The following WWOX variants were observed in gnomAD, a reference collection of about 807,000 sequenced individuals.
WWOX encodes the protein WW domain containing oxidoreductase, also known as WW domain-containing oxidoreductase.
A neutral mutation model predicts 46.2 loss-of-function variants in WWOX; 69 were observed. The ratio of observed to expected loss-of-function variants is 1.49; its 90% CI spans 1.23 to 1.82. WWOX has a LOEUF of 1.82. Among genes scored for constraint, WWOX ranks in the 40% most tolerant of loss-of-function variants. WWOX has a pLI of 0.00. For missense variants in WWOX, 919 were observed against 542.6 expected (o/e 1.69, Z -6.89); for synonymous variants, 359 against 202.6 (o/e 1.77, Z -6.56).
intron 8 of WWOX, among the ~76,000 whole-genome samples, chr16:79,154,976 G>C (rs560452028): frequency 1.3e-5 from 2 of 152,338 alleles, no homozygotes; most frequent in Non-Finnish European, 2.9e-5. Context: ...AGTGGAATTA[G>C]GGTCATGATG....
At chr16:78,111,342 CTAT>C (rs1433587803) in intron 3 of WWOX, among the ~76,000 whole-genome samples, 1 of 152,128 alleles carries the variant, frequency 6.6e-6, no homozygotes, top group African/African-American at 2.4e-5. Flanking sequence ...ACTATAAACA[CTAT>C]TAATCATTAG....
rs760894625 is a variant in WWOX, at chr16:78,164,318, T to A, written c.516+29T>A. Reference sequence around the variant, plus strand: ...AGTGCTTGACTGTTGTTGTTTTTTTTAATTGTCAAATACACATGCCGGGCT... The same window carrying A: ...AGTGCTTGACTGTTGTTGTTTTTTTAAATTGTCAAATACACATGCCGGGCT... On this transcript the variant is annotated intron_variant, in intron 5 of 8. Coordinates refer to ENST00000566780, the MANE Select transcript of WWOX (RefSeq NM_016373.4). The A allele has an allele frequency of 5.0e-6, 8 of 1,599,460 alleles. No individual in the cohort carries two copies. In the East Asian group the frequency reaches 8.9e-5, roughly 18 times the overall value.
chr16:79,183,930 G>A (rs2050962803), intron 8 of WWOX, among the ~76,000 whole-genome samples: 1 of 152,180 alleles, frequency 6.6e-6, no homozygotes, highest in African/African-American at 2.4e-5. Context: ...CCACTCAGAT[G>A]ACTCCAGAAG....
chr16:78,286,173 C>T (rs1178205532), intron 5 of WWOX, among the ~76,000 whole-genome samples: 2 of 152,186 alleles, frequency 1.3e-5, no homozygotes, highest in African/African-American at 2.4e-5. Flanking sequence ...AAAGCTGTTG[C>T]AATAAATACT....
chr16:78,145,232 A>G (rs2034157260), intron 4 of WWOX, among the ~76,000 whole-genome samples: 1 of 152,164 alleles, frequency 6.6e-6, no homozygotes, highest in African/African-American at 2.4e-5. Flanking sequence ...GGATAGGTGC[A>G]TTAATATTTA....
chr16:79,049,082 A>C (rs1176666012), intron 8 of WWOX, among the ~76,000 whole-genome samples: 1 of 152,224 alleles, frequency 6.6e-6, no homozygotes, highest in Non-Finnish European at 1.5e-5. Context: ...TTTATACTTT[A>C]GTGCAGTGGT....
At chr16:78,884,998 G>C (rs1218725055) in intron 8 of WWOX, among the ~76,000 whole-genome samples, 1 of 152,106 alleles carries the variant, frequency 6.6e-6, no homozygotes, top group Non-Finnish European at 1.5e-5. Flanking sequence ...CTAGCCCTCA[G>C]CTGTGTCACT....
At chr16:78,368,518 A>C (rs143153154) in intron 5 of WWOX, among the ~76,000 whole-genome samples, 153 of 152,320 alleles carry the variant, frequency 1.0e-3, no homozygotes, top group African/African-American at 3.6e-3. Context: ...CAAGCGCTAG[A>C]AGCTCTTCCC....
chr16:78,519,627 A>C (rs1307448944), intron 8 of WWOX, among the ~76,000 whole-genome samples: 10 of 152,102 alleles, frequency 6.6e-5, no homozygotes. Flanking sequence ...ACGGTACTAC[A>C]AAGCAGGACC....
Position 79,157,922 on chromosome 16 carries a change from C to T in WWOX, c.1057-53686C>T, listed in dbSNP as rs151061409. Among the ~76,000 whole-genome samples the T allele has an allele frequency of 4.1e-3, 630 of 152,046 alleles. 3 individuals are homozygous for T. Among genetic ancestry groups the T allele is most frequent in the African/African-American group, 0.014 (597 of 41,462 alleles). On this transcript the variant is annotated intron_variant, in intron 8 of 8. Transcript: ENST00000566780. ...TGTCCCTATTTTTCTGGTACCTGGC[C>T]CTGGGTGATTAGAAAGGGTGGATGG...
chr16:78,122,434 A>C (rs2033142512), intron 4 of WWOX, among the ~76,000 whole-genome samples: 1 of 152,176 alleles, frequency 6.6e-6, no homozygotes, highest in Admixed American at 6.5e-5. Flanking sequence ...CCCATAATTA[A>C]AAAAATTAAT....
intron 8 of WWOX, among the ~76,000 whole-genome samples, chr16:79,170,392 C>T (rs1167795632): frequency 6.6e-6 from 1 of 152,184 alleles, no homozygotes; most frequent in Non-Finnish European, 1.5e-5. Flanking sequence ...GAAGCACTTT[C>T]CTCTTTTGCC....
At chr16:78,527,490 C>T (rs371264463) in intron 8 of WWOX, among the ~76,000 whole-genome samples, 30 of 152,100 alleles carry the variant, frequency 2.0e-4, no homozygotes, top group Admixed American at 1.2e-3. Context: ...GGTGGAGTTT[C>T]GCCATGTTGG....
intron 8 of WWOX, among the ~76,000 whole-genome samples, chr16:78,941,063 A>C (rs941915543): frequency 1.3e-5 from 2 of 152,042 alleles, no homozygotes; most frequent in Admixed American, 1.3e-4. Flanking sequence ...AATTTCACTG[A>C]AGTTTATGAT....
At chr16:79,056,533 C>G (rs2048265376) in intron 8 of WWOX, among the ~76,000 whole-genome samples, 1 of 152,144 alleles carries the variant, frequency 6.6e-6, no homozygotes, top group African/African-American at 2.4e-5. Flanking sequence ...TTTGGCACTG[C>G]CAACATGTGG....
intron 8 of WWOX, among the ~76,000 whole-genome samples, chr16:78,977,187 A>G (rs1306123536): frequency 6.6e-6 from 1 of 152,160 alleles, no homozygotes; most frequent in African/African-American, 2.4e-5. Context: ...GTTTGTTTTG[A>G]ACCACTTATT....
intron 8 of WWOX, among the ~76,000 whole-genome samples, chr16:78,673,344 G>C (rs976304484): frequency 6.6e-6 from 1 of 152,214 alleles, no homozygotes; most frequent in Non-Finnish European, 1.5e-5. Context: ...AGAGCTGGCT[G>C]TGCTAGGAAA....
At chr16:78,485,600 C>G (rs905605383) in intron 8 of WWOX, among the ~76,000 whole-genome samples, 7 of 152,294 alleles carry the variant, frequency 4.6e-5, no homozygotes, top group East Asian at 3.9e-4. Context: ...GAGCCTGTCT[C>G]ACAGCACGCA....
At chr16:78,508,198 A>G (rs2085264948) in intron 8 of WWOX, among the ~76,000 whole-genome samples, 1 of 151,454 alleles carries the variant, frequency 6.6e-6, no homozygotes, top group Admixed American at 6.6e-5. Context: ...TTTAGTAGAG[A>G]CAGGGTTTCG....
Sources: allele counts gnomAD v4.1 joint callset (sites outside exome capture counted in the v4.1 genomes callset), GRCh38; gene constraint gnomAD v4.1.1; transcripts MANE v1.5; gene names NCBI Gene and HGNC (gene_info 2026-07-23, HGNC 2026-07-21).